The following NOL8 variants were observed in gnomAD, a reference collection of about 807,000 sequenced individuals.
The protein encoded by NOL8 is nucleolar protein Nop132.
A neutral mutation model predicts 116.1 loss-of-function variants in NOL8; 93 were observed. The observed-to-expected ratio is 0.80, with a 90% CI of 0.68 to 0.95. NOL8 has a LOEUF of 0.95. Among genes scored for constraint, NOL8 ranks in the 40% least tolerant of loss-of-function variants. The pLI is 0.00. For missense variants in NOL8, 1,291 were observed against 1,382.8 expected (o/e 0.93, Z 1.05); for synonymous variants, 419 against 469.0 (o/e 0.89, Z 1.38).
intron 12 of NOL8, among the ~76,000 whole-genome samples, chr9:92,305,231 CAGAAA>C (rs1444858396): frequency 1.3e-5 from 2 of 152,028 alleles, no homozygotes; most frequent in African/African-American, 4.8e-5. Context: ...AGAGGAGAGA[CAGAAA>C]AGAAGAGGCC....
At chr9:92,324,824 G>C (rs1267215721) in intron 1 of NOL8, 1 of 152,206 alleles carries the variant, frequency 6.6e-6, no homozygotes, top group Non-Finnish European at 1.5e-5. Context: ...TTTGCTATGT[G>C]CCTGCATTGT....
At position 92,297,711 on chromosome 9, in the gene NOL8, C is replaced by T. The variant is rs147260027; in HGVS notation, c.*125G>A. ...AAAGATGGCAACCAGAATGATATTCCGTCAGCCAGATTTTTAAAATTCCTT... is the reference window on the plus strand; with the variant it reads ...AAAGATGGCAACCAGAATGATATTCTGTCAGCCAGATTTTTAAAATTCCTT... On this transcript the variant is annotated 3_prime_UTR_variant, in exon 17 of 17. Coordinates refer to ENST00000442668, the MANE Select transcript of NOL8 (RefSeq NM_017948.6). 157 of 672,152 alleles carry T rather than the reference C, an allele frequency of 2.3e-4. No homozygotes were observed. The highest frequency in any genetic ancestry group is 3.4e-4 in the Non-Finnish European group (138 of 403,282). The allele number at this position is 672,152 out of a possible 1,614,324, so 41.6% of individuals were successfully genotyped here.
chr9:92,319,866 G>C (rs1448857798), intron 4 of NOL8: 2 of 362,284 alleles, frequency 5.5e-6, no homozygotes, highest in African/African-American at 4.3e-5. Context: ...TGTCCCACCA[G>C]AGCATGAGGG....
At chr9:92,308,525 T>C (rs1838485343) in intron 10 of NOL8, among the ~76,000 whole-genome samples, 1 of 152,204 alleles carries the variant, frequency 6.6e-6, no homozygotes, top group Non-Finnish European at 1.5e-5. Context: ...CAACAGGCGT[T>C]TAAGACCAGT....
chr9:92,319,177 T>C (rs373629033), intron 5 of NOL8, 44 bp downstream of exon 5: 64 of 1,478,972 alleles, frequency 4.3e-5, no homozygotes, highest in Non-Finnish European at 5.5e-5. Flanking sequence ...CAGGCATCAG[T>C]TTCCAAGACC....
At chr9:92,311,593 A>G (rs1414611066) in intron 7 of NOL8, among the ~76,000 whole-genome samples, 1 of 152,168 alleles carries the variant, frequency 6.6e-6, no homozygotes, top group Non-Finnish European at 1.5e-5. Context: ...CAAGCATACA[A>G]AAAAAATGCT....
chr9:92,312,827 CAAAAAAA>C (rs35089570), intron 7 of NOL8, among the ~76,000 whole-genome samples: 1 of 55,464 alleles, frequency 1.8e-5, no homozygotes, highest in Non-Finnish European at 3.4e-5. Flanking sequence ...AACTCCATCT[CAAAAAAA>C]AAAAAAAAAA....
chr9:92,311,000 C>G (rs1838728080), intron 8 of NOL8, 146 bp downstream of exon 8: 1 of 628,160 alleles, frequency 1.6e-6, no homozygotes, highest in Non-Finnish European at 2.8e-6. Flanking sequence ...TCTCCAAGAC[C>G]CCTGTAGTCT....
intron 5 of NOL8, chr9:92,318,916 C>CA (rs927382882): frequency 1.2e-5 from 6 of 508,750 alleles, no homozygotes; most frequent in African/African-American, 4.0e-5. Context: ...AGATGGTTTA[C>CA]AAAAAACACT....
chr9:92,318,675 C>T lies in NOL8; in HGVS notation c.429G>A (p.Val143=), dbSNP rs901605909. ...TEVPGHKNWV[V]SKFGRVLPVL... is the part of the protein sequence containing the mutation. ...CAGGTAAGACTCTTCCAAATTTGCT[C>T]ACAACCCAATTCTAAAAGAAAAAAA... The change falls in exon 6 of 17, where the codon GTG becomes GTA. Residue 143 remains valine, a synonymous_variant. Transcript: ENST00000442668. 2.6e-5 allele frequency: 41 copies of T among 1,592,680 alleles called. No individual in the cohort carries two copies. Among genetic ancestry groups the T allele is most frequent in the Non-Finnish European group, 3.4e-5 (40 of 1,172,712 alleles).
At position 92,306,735 on chromosome 9, in the gene NOL8, T is replaced by C. The variant is rs1838296710; in HGVS notation, c.2825+151A>G. ...AGATTAGTTCCTTGAAGTGAATCACTGGGTCAAAGGCAAGTATATTTTTAA... is the reference window on the plus strand; with the variant it reads ...AGATTAGTTCCTTGAAGTGAATCACCGGGTCAAAGGCAAGTATATTTTTAA... On this transcript the variant is annotated intron_variant, in intron 11 of 16. Coordinates refer to ENST00000442668, the MANE Select transcript of NOL8 (RefSeq NM_017948.6). The C allele has an allele frequency of 6.6e-6, 4 of 606,128 alleles. No homozygotes were observed. The East Asian group carries it at 1.1e-4, about 16-fold the overall frequency. The allele number at this position is 606,128 out of a possible 1,614,324, so 37.5% of individuals were successfully genotyped here.
intron 2 of NOL8, 67 bp downstream of exon 2, chr9:92,323,956 T>TAAC (rs1840179688): frequency 6.5e-7 from 1 of 1,540,844 alleles, no homozygotes; most frequent in Non-Finnish European, 8.8e-7. Flanking sequence ...TTGGGGTTGT[T>TAAC]TTATTTTCTA....
At chr9:92,310,449 T>C (rs968941016) in intron 9 of NOL8, 104 bp downstream of exon 9, 3 of 1,335,230 alleles carry the variant, frequency 2.2e-6, no homozygotes, top group Non-Finnish European at 3.1e-6. Context: ...AACACCCCGA[T>C]GCTATAATGT....
chr9:92,310,094 A>C, intron 10 of NOL8, 77 bp downstream of exon 10: 2 of 998,966 alleles, frequency 2.0e-6, no homozygotes, highest in Non-Finnish European at 3.0e-6. Flanking sequence ...TTCATGTGTT[A>C]AACAAAGGAG....
chr9:92,306,850 A>G, intron 11 of NOL8, 36 bp downstream of exon 11: 1 of 1,588,072 alleles, frequency 6.3e-7, no homozygotes. Flanking sequence ...ATGGCAAAGG[A>G]TGATATGGTA....
intron 15 of NOL8, 69 bp from the exon 16 acceptor site, chr9:92,298,405 G>A: frequency 2.1e-6 from 2 of 970,846 alleles, no homozygotes; most frequent in Middle Eastern, 2.1e-4. Flanking sequence ...TCTAAGTGTT[G>A]GCATTATCAA....
At chr9:92,320,779 G>T (rs1839860222) in intron 4 of NOL8, among the ~76,000 whole-genome samples, 1 of 152,014 alleles carries the variant, frequency 6.6e-6, no homozygotes, top group South Asian at 2.1e-4. Context: ...GCTAATTTTT[G>T]TATTTTTAGT....
At chr9:92,306,840 A>G in intron 11 of NOL8, 46 bp downstream of exon 11, 3 of 1,564,902 alleles carry the variant, frequency 1.9e-6, no homozygotes, top group East Asian at 4.5e-5. Flanking sequence ...GAAGACATTT[A>G]TGGCAAAGGA....
chr9:92,298,968 G>C lies in NOL8; in HGVS notation c.3303-14C>G. Reference sequence around the variant, plus strand: ...AATGATGCTTCTCTGAAAAGAAAGGGACAAAGGAGAGAGAAAAATAGGTAT... The same window carrying C: ...AATGATGCTTCTCTGAAAAGAAAGGCACAAAGGAGAGAGAAAAATAGGTAT... On this transcript the variant is annotated splice_polypyrimidine_tract_variant and intron_variant, in intron 14 of 16. Transcript: ENST00000442668. The C allele has an allele frequency of 6.8e-7, 1 of 1,462,180 alleles. No homozygotes were observed. Among genetic ancestry groups the C allele is most frequent in the Non-Finnish European group, 9.2e-7 (1 of 1,088,390 alleles). 90.6% of individuals were successfully genotyped at this position (1,462,180 alleles called of 1,614,324 possible).
Sources: gnomAD v4.1 joint callset for allele counts (sites outside exome capture counted in the v4.1 genomes callset) on GRCh38, gnomAD v4.1.1 for gene constraint, MANE v1.5 for transcripts, NCBI Gene and HGNC (gene_info 2026-07-23, HGNC 2026-07-21) for gene names.